ELMO1: variants seen among roughly 807,000 people sequenced by gnomAD.
ELMO1 encodes the protein engulfment and cell motility protein 1.
In ELMO1, 26 loss-of-function variants were observed where a neutral mutation model predicts 98.9. That is an observed-to-expected ratio of 0.26 (90% CI 0.19 to 0.36). The LOEUF is 0.36. Among genes scored for constraint, ELMO1 ranks in the 10% least tolerant of loss-of-function variants. ELMO1 has a pLI of 1.00. For missense variants in ELMO1, 627 were observed against 935.2 expected, an observed-to-expected ratio of 0.67 and a Z score of 4.30; for synonymous variants, 346 against 346.0, an observed-to-expected ratio of 1.00 and a Z score of 0.00.
chr7:37,135,249 T>C (rs1455166862), intron 13 of ELMO1, among the ~76,000 whole-genome samples: 2 of 152,130 alleles, frequency 1.3e-5, no homozygotes, highest in Non-Finnish European at 2.9e-5. Context: ...TTTTCCAAGA[T>C]GGTGGATAGG....
intron 16 of ELMO1, among the ~76,000 whole-genome samples, chr7:36,939,057 TA>T (rs200922682): frequency 7.4e-5 from 11 of 148,466 alleles, no homozygotes; most frequent in African/African-American, 9.8e-5. Flanking sequence ...CATTGCTAAT[TA>T]AAAAAAAAAT....
chr7:37,345,578 G>A (rs536500133), intron 1 of ELMO1, among the ~76,000 whole-genome samples: 56 of 152,176 alleles, frequency 3.7e-4, no homozygotes, highest in Non-Finnish European at 5.6e-4. Flanking sequence ...TGGCGTGGTG[G>A]TGCTTGTAAT....
chr7:36,866,773 A>G (rs990913337), intron 20 of ELMO1, among the ~76,000 whole-genome samples: 2 of 152,140 alleles, frequency 1.3e-5, no homozygotes, highest in African/African-American at 4.8e-5. Context: ...TCATCCATCC[A>G]CTGTGTACTG....
chr7:36,866,521 G>T (rs568327932), intron 20 of ELMO1, among the ~76,000 whole-genome samples: 2 of 152,316 alleles, frequency 1.3e-5, no homozygotes, highest in South Asian at 4.1e-4. Flanking sequence ...TCAAGGGAAA[G>T]GACCAATTTT....
chr7:36,861,633 T>G, intron 21 of ELMO1, 26 bp downstream of exon 21: 1 of 1,603,236 alleles, frequency 6.2e-7, no homozygotes. Context: ...CATTATCTCA[T>G]AAATTATCAC....
At chr7:37,163,296 T>C (rs1789359120) in intron 13 of ELMO1, among the ~76,000 whole-genome samples, 1 of 151,870 alleles carries the variant, frequency 6.6e-6, no homozygotes, top group Non-Finnish European at 1.5e-5. Flanking sequence ...TAATTCTTTT[T>C]ATTATTAAAT....
intron 2 of ELMO1, among the ~76,000 whole-genome samples, chr7:37,316,872 A>C (rs1198536530): frequency 6.6e-6 from 1 of 152,196 alleles, no homozygotes; most frequent in Non-Finnish European, 1.5e-5. Context: ...ACTCCTGTCT[A>C]TATGAAGGGC....
At chr7:37,335,050 C>T (rs1194739950) in intron 2 of ELMO1, among the ~76,000 whole-genome samples, 1 of 152,126 alleles carries the variant, frequency 6.6e-6, no homozygotes, top group Admixed American at 6.5e-5. Context: ...ATGTAAGCCA[C>T]TGGCTGACCT....
intron 13 of ELMO1, among the ~76,000 whole-genome samples, chr7:37,203,836 C>T (rs1792441036): frequency 6.6e-6 from 1 of 152,064 alleles, no homozygotes; most frequent in Non-Finnish European, 1.5e-5. Context: ...TGTTGGGATC[C>T]CAGAGCTGAA....
rs1190781361 is a variant in ELMO1 at position 37,166,301 on chromosome 7, A to G, written c.1087-33067T>C. Among the ~76,000 whole-genome samples, 4 of 152,140 alleles carry G rather than the reference A, an allele frequency of 2.6e-5. No homozygotes were observed. In the East Asian group the frequency reaches 7.7e-4, roughly 29 times the overall value. ...TTTCAAAAAAGCAGCTCCTGGATTC[A>G]TTAATTTTTGAAGCGTTTTTTGTGT... On this transcript the variant is annotated intron_variant, in intron 13 of 21. Transcript: ENST00000310758.
intron 14 of ELMO1, among the ~76,000 whole-genome samples, chr7:37,125,161 T>A (rs1052013010): frequency 4.6e-5 from 7 of 152,160 alleles, no homozygotes; most frequent in African/African-American, 7.2e-5. Context: ...ACTTAAATGT[T>A]AGACCTAAAA....
chr7:37,118,448 A>G (rs1785750576), intron 14 of ELMO1, among the ~76,000 whole-genome samples: 1 of 152,230 alleles, frequency 6.6e-6, no homozygotes, highest in African/African-American at 2.4e-5. Context: ...GGTTGGGATT[A>G]AAGTCCTTCA....
intron 13 of ELMO1, among the ~76,000 whole-genome samples, chr7:37,168,177 C>T (rs1789862810): frequency 6.6e-6 from 1 of 152,198 alleles, no homozygotes; most frequent in Admixed American, 6.5e-5. Flanking sequence ...CAAACCTTGG[C>T]TTTCAGCTCC....
intron 6 of ELMO1, among the ~76,000 whole-genome samples, chr7:37,251,038 G>A (rs1795319427): frequency 6.6e-6 from 1 of 152,104 alleles, no homozygotes; most frequent in Non-Finnish European, 1.5e-5. Context: ...GAAGGACACA[G>A]AAGTAGGCTT....
At chr7:37,232,928 G>T (rs540444741) in intron 8 of ELMO1, among the ~76,000 whole-genome samples, 167 bp downstream of exon 8, 14 of 152,166 alleles carry the variant, frequency 9.2e-5, no homozygotes, top group African/African-American at 3.4e-4. Flanking sequence ...TTTTTATACA[G>T]AATTTGGGTT....
chr7:37,443,297 T>C (rs1380919428), intron 1 of ELMO1, among the ~76,000 whole-genome samples: 1 of 152,234 alleles, frequency 6.6e-6, no homozygotes, highest in African/African-American at 2.4e-5. Context: ...CTGTTAGAAC[T>C]AAAACAGTCA....
intron 1 of ELMO1, chr7:37,375,554 TTA>T: frequency 9.3e-7 from 1 of 1,071,254 alleles, no homozygotes; most frequent in Non-Finnish European, 1.4e-6. Flanking sequence ...AGATTGCCAT[TTA>T]TAAACTCCTT....
chr7:37,417,607 T>C (rs193124767), intron 1 of ELMO1, among the ~76,000 whole-genome samples: 22 of 151,216 alleles, frequency 1.5e-4, no homozygotes, highest in Non-Finnish European at 2.8e-4. Flanking sequence ...GAGCTTGCAA[T>C]GAGCCAAGAT....
intron 16 of ELMO1, among the ~76,000 whole-genome samples, chr7:36,986,790 G>T (rs901811073): frequency 6.6e-6 from 1 of 152,138 alleles, no homozygotes; most frequent in Non-Finnish European, 1.5e-5. Flanking sequence ...CACACCAGGG[G>T]TGCTCACATA....
Sources: gnomAD v4.1 joint callset for allele counts (sites outside exome capture counted in the v4.1 genomes callset) on GRCh38, gnomAD v4.1.1 for gene constraint, MANE v1.5 for transcripts, NCBI Gene and HGNC (gene_info 2026-07-23, HGNC 2026-07-21) for gene names.